The following WWOX variants were observed in gnomAD, a reference collection of about 807,000 sequenced individuals.
WWOX encodes WW domain-containing oxidoreductase.
Under a neutral mutation model 46.2 loss-of-function variants are expected in WWOX, and 69 were observed. That is an observed-to-expected ratio of 1.49 (90% CI 1.23 to 1.82). The LOEUF (loss-of-function observed/expected upper bound fraction) is 1.82, where lower values mean the gene tolerates loss of function less well. Among genes scored for constraint, WWOX ranks in the 40% most tolerant of loss-of-function variants. The pLI is 0.00. For synonymous variants in WWOX, 359 were observed against 202.6 expected (o/e 1.77, Z -6.56); for missense variants, 919 against 542.6 (o/e 1.69, Z -6.89).
chr16:78,814,457 A>G (rs1391194058), intron 8 of WWOX, among the ~76,000 whole-genome samples: 1 of 151,950 alleles, frequency 6.6e-6, no homozygotes, highest in Non-Finnish European at 1.5e-5. Flanking sequence ...GAAACTACCA[A>G]GAAGCCTCTC....
intron 5 of WWOX, among the ~76,000 whole-genome samples, chr16:78,369,190 G>C (rs1360890534): frequency 6.6e-6 from 1 of 151,974 alleles, no homozygotes; most frequent in Non-Finnish European, 1.5e-5. Context: ...GGCTTACTGT[G>C]TGCTAGACAT....
intron 8 of WWOX, among the ~76,000 whole-genome samples, chr16:79,015,805 G>A (rs1217618415): frequency 4.6e-5 from 7 of 152,172 alleles, no homozygotes; most frequent in Non-Finnish European, 1.0e-4. Flanking sequence ...AAGGTGGAGT[G>A]CAGCGGTGTG....
chr16:79,125,367 G>A (rs2049729340), intron 8 of WWOX, among the ~76,000 whole-genome samples: 1 of 152,196 alleles, frequency 6.6e-6, no homozygotes, highest in Non-Finnish European at 1.5e-5. Context: ...GCATGGGAAA[G>A]TAAATGGTTT....
chr16:78,897,978 G>A (rs1025588986), intron 8 of WWOX: 1 of 115,072 alleles, frequency 8.7e-6, no homozygotes, highest in Admixed American at 7.5e-5. Context: ...TGAACTGCTT[G>A]TTTATGTATT....
chr16:78,635,121 C>G (rs947772166), intron 8 of WWOX, among the ~76,000 whole-genome samples: 1 of 152,182 alleles, frequency 6.6e-6, no homozygotes, highest in East Asian at 1.9e-4. Flanking sequence ...GATTTCAAAT[C>G]TAAATGTGCC....
chr16:78,564,991 C>T (rs1456998188), intron 8 of WWOX, among the ~76,000 whole-genome samples: 1 of 152,146 alleles, frequency 6.6e-6, no homozygotes, highest in Non-Finnish European at 1.5e-5. Context: ...TCAAAGGATA[C>T]ACTACACAAT....
chr16:79,126,856 T>G (rs760758652), intron 8 of WWOX, among the ~76,000 whole-genome samples: 1 of 152,074 alleles, frequency 6.6e-6, no homozygotes, highest in Non-Finnish European at 1.5e-5. Flanking sequence ...AACAGGAAAT[T>G]GTGCTCAAAG....
chr16:78,409,101 C>T (rs568514459), intron 6 of WWOX, among the ~76,000 whole-genome samples: 6 of 152,232 alleles, frequency 3.9e-5, no homozygotes, highest in East Asian at 1.9e-4. Flanking sequence ...GCTAAAGTCC[C>T]ACTGGGTGTA....
At chr16:78,564,026 C>T (rs1411080849) in intron 8 of WWOX, among the ~76,000 whole-genome samples, 1 of 152,186 alleles carries the variant, frequency 6.6e-6, no homozygotes, top group Non-Finnish European at 1.5e-5. Context: ...GCGAACAAGC[C>T]CAGGCTAGCC....
intron 8 of WWOX, among the ~76,000 whole-genome samples, chr16:78,653,720 G>A (rs543949588): frequency 2.0e-5 from 3 of 152,204 alleles, no homozygotes; most frequent in South Asian, 2.1e-4. Flanking sequence ...TGATTCAGCT[G>A]TCCTATGGGC....
At chr16:78,361,676 A>G (rs1476762158) in intron 5 of WWOX, among the ~76,000 whole-genome samples, 1 of 152,096 alleles carries the variant, frequency 6.6e-6, no homozygotes, top group African/African-American at 2.4e-5. Context: ...TAATGGTGCG[A>G]TATCGGCTCC....
chr16:78,690,084 C>T (rs1051898195), intron 8 of WWOX, among the ~76,000 whole-genome samples: 1 of 152,152 alleles, frequency 6.6e-6, no homozygotes, highest in East Asian at 1.9e-4. Context: ...TGGTCTCGAT[C>T]TCCTGACCTC....
Position 79,212,259 on chromosome 16 carries a change from G to C in WWOX, c.*463G>C. 1.5e-6 allele frequency: 2 copies of C among 1,300,390 alleles called. No homozygotes were observed. The highest frequency in any genetic ancestry group is 1.5e-5 in the African/African-American group (1 of 66,864). The allele number at this position is 1,300,390 out of a possible 1,614,324, so 80.6% of individuals were successfully genotyped here. ...TGCTGCATTGATCCAGGAGATAATTGTTTCATTCATCCTGACCAAGACTGA... is the reference window on the plus strand; with the variant it reads ...TGCTGCATTGATCCAGGAGATAATTCTTTCATTCATCCTGACCAAGACTGA... On this transcript the variant is annotated 3_prime_UTR_variant, in exon 9 of 9. Coordinates refer to ENST00000566780, the MANE Select transcript of WWOX (RefSeq NM_016373.4).
intron 5 of WWOX, among the ~76,000 whole-genome samples, chr16:78,358,512 G>T (rs11647674): frequency 0.52 from 78,984 of 151,828 alleles, 22,144 homozygotes; most frequent in Non-Finnish European, 0.64. Context: ...ACAAAAATTA[G>T]CTGGGTGTGG....
At chr16:79,160,747 G>A (rs903839644) in intron 8 of WWOX, among the ~76,000 whole-genome samples, 7 of 152,258 alleles carry the variant, frequency 4.6e-5, no homozygotes, top group African/African-American at 1.7e-4. Flanking sequence ...TAGTAATGGT[G>A]CAGATTAGAG....
chr16:78,234,419 T>C (rs909551965), intron 5 of WWOX, among the ~76,000 whole-genome samples: 1 of 152,172 alleles, frequency 6.6e-6, no homozygotes, highest in East Asian at 1.9e-4. Flanking sequence ...GTGTGTAGTG[T>C]GGGCCCCAGA....
rs2045666670 is a variant in WWOX, at chr16:78,933,416, G to T, written c.1057-278192G>T. Among the ~76,000 whole-genome samples, 3 of 152,328 alleles carry T rather than the reference G, an allele frequency of 2.0e-5. No individual in the cohort carries two copies. The South Asian group carries it at 6.2e-4, about 32-fold the overall frequency. ...ATTGTGCCACTGTACTCTGGCCTGGGCAACAGAGGGAGACTCCGTCTCAAG... is the reference window on the plus strand; with the variant it reads ...ATTGTGCCACTGTACTCTGGCCTGGTCAACAGAGGGAGACTCCGTCTCAAG... On this transcript the variant is annotated intron_variant, in intron 8 of 8. Coordinates refer to ENST00000566780, the MANE Select transcript of WWOX (RefSeq NM_016373.4).
At chr16:78,819,163 T>C (rs1213078919) in intron 8 of WWOX, among the ~76,000 whole-genome samples, 4 of 152,218 alleles carry the variant, frequency 2.6e-5, no homozygotes, top group African/African-American at 9.6e-5. Context: ...AGTTCACTTC[T>C]TTTGGATCTT....
intron 4 of WWOX, among the ~76,000 whole-genome samples, chr16:78,138,625 C>A (rs866835587): frequency 6.6e-6 from 1 of 152,142 alleles, no homozygotes; most frequent in Non-Finnish European, 1.5e-5. Flanking sequence ...TTTTTAAATT[C>A]CTTATTTTTC....
Sources: gnomAD v4.1 joint callset for allele counts (sites outside exome capture counted in the v4.1 genomes callset) on GRCh38, gnomAD v4.1.1 for gene constraint, MANE v1.5 for transcripts, NCBI Gene and HGNC (gene_info 2026-07-23, HGNC 2026-07-21) for gene names.